CDK19: variants seen among roughly 807,000 people sequenced by gnomAD.
CDK19 encodes cyclin dependent kinase 19.
In CDK19, 20 loss-of-function variants were observed where a neutral mutation model predicts 68.3. That is an observed-to-expected ratio of 0.29 (90% confidence interval 0.21 to 0.43). The LOEUF is 0.43. Ranked by LOEUF, CDK19 falls within the 20% of genes least tolerant of loss-of-function variation. The probability of loss-of-function intolerance (pLI) is 1.00; values close to 1 mark genes in which losing one functional copy is unlikely to be tolerated. For missense variants in CDK19, 339 were observed against 623.5 expected (o/e 0.54, Z 4.86); for synonymous variants, 221 against 222.8 (o/e 0.99, Z 0.07).
At chr6:110,739,456 C>G in intron 2 of CDK19, among the ~76,000 whole-genome samples, 1 of 152,076 alleles carries the variant, frequency 6.6e-6, no homozygotes, top group East Asian at 1.9e-4. Context: ...TATAAGCCAC[C>G]AAGTCTATGG....
chr6:110,707,457 G>A (rs1356476981), intron 2 of CDK19, among the ~76,000 whole-genome samples: 1 of 152,068 alleles, frequency 6.6e-6, no homozygotes, highest in Non-Finnish European at 1.5e-5. Context: ...ATCCAAAGAT[G>A]TGTTTTACCA....
intron 2 of CDK19, among the ~76,000 whole-genome samples, chr6:110,679,082 G>A (rs989318057): frequency 6.6e-6 from 1 of 152,166 alleles, no homozygotes; most frequent in Non-Finnish European, 1.5e-5. Context: ...GCCAAGGCAG[G>A]AGGACCACTC....
intron 2 of CDK19, 38 bp downstream of exon 2, chr6:110,746,088 C>A: frequency 9.5e-7 from 1 of 1,052,440 alleles, no homozygotes; most frequent in South Asian, 1.7e-5. Flanking sequence ...CACCCAATAT[C>A]AATAATAAAA....
intron 2 of CDK19, among the ~76,000 whole-genome samples, chr6:110,689,004 C>T (rs1035099291): frequency 4.6e-5 from 7 of 152,244 alleles, no homozygotes; most frequent in African/African-American, 1.4e-4. Context: ...AAGGCTTATA[C>T]CCTGGGGCAG....
intron 2 of CDK19, among the ~76,000 whole-genome samples, chr6:110,710,586 C>T (rs1774865821): frequency 6.6e-6 from 1 of 152,202 alleles, no homozygotes; most frequent in Non-Finnish European, 1.5e-5. Flanking sequence ...AGTCCAAGAT[C>T]AAGGCACCAG....
chr6:110,814,896 C>G (rs542633723), intron 1 of CDK19, 113 bp downstream of exon 1: 3 of 1,431,392 alleles, frequency 2.1e-6, no homozygotes, highest in East Asian at 5.1e-5. Context: ...CCCGCGACCC[C>G]CTCCGCCTCG....
intron 12 of CDK19, among the ~76,000 whole-genome samples, chr6:110,616,630 C>G (rs1381203136): frequency 6.6e-6 from 1 of 151,244 alleles, no homozygotes; most frequent in Admixed American, 6.6e-5. Flanking sequence ...ATTGGCGCCA[C>G]TGCACTCTAG....
At chr6:110,781,774 G>T (rs1315536350) in intron 1 of CDK19, among the ~76,000 whole-genome samples, 3 of 151,712 alleles carry the variant, frequency 2.0e-5, no homozygotes, top group Non-Finnish European at 2.9e-5. Context: ...AGCTCAGGAG[G>T]TGGAAGCTGC....
intron 12 of CDK19, among the ~76,000 whole-genome samples, chr6:110,615,704 C>A (rs921890867): frequency 2.6e-5 from 4 of 152,188 alleles, no homozygotes; most frequent in African/African-American, 9.7e-5. Flanking sequence ...CAAAACTAAA[C>A]TGCCTTTATA....
chr6:110,737,222 A>G (rs997399540), intron 2 of CDK19, among the ~76,000 whole-genome samples: 26 of 152,192 alleles, frequency 1.7e-4, no homozygotes, highest in Admixed American at 2.6e-4. Context: ...TTCCCTTACC[A>G]TAACACACAC....
intron 12 of CDK19, among the ~76,000 whole-genome samples, chr6:110,615,002 G>A (rs1778223840): frequency 6.6e-6 from 1 of 152,082 alleles, no homozygotes; most frequent in Non-Finnish European, 1.5e-5. Flanking sequence ...ACTGAGACGT[G>A]CAAACAAGAA....
intron 2 of CDK19, among the ~76,000 whole-genome samples, chr6:110,705,698 C>T (rs1364375304): frequency 5.3e-5 from 8 of 152,252 alleles, no homozygotes; most frequent in African/African-American, 1.2e-4. Flanking sequence ...CTCCCAGAAG[C>T]GGAAACAGAT....
chr6:110,671,127 T>C (rs1057362491), intron 2 of CDK19, among the ~76,000 whole-genome samples: 11 of 152,008 alleles, frequency 7.2e-5, no homozygotes, highest in African/African-American at 2.7e-4. Context: ...TGCCCACTTA[T>C]AAAAACTGAA....
chr6:110,641,944 A>G (rs1332674112), intron 4 of CDK19, among the ~76,000 whole-genome samples: 1 of 152,234 alleles, frequency 6.6e-6, no homozygotes, highest in East Asian at 1.9e-4. Flanking sequence ...TGATGTGACA[A>G]GAGCAGTGAA....
In CDK19 at chr6:110,622,078, C is replaced by T; in HGVS notation, c.1110+10G>A. 1.9e-6 allele frequency: 3 copies of T among 1,567,500 alleles called. No homozygotes were observed. The highest frequency in any genetic ancestry group is 1.1e-5 in the South Asian group (1 of 87,142). On this transcript the variant is annotated intron_variant, in intron 11 of 12. Transcript: ENST00000368911. ...TCTTTGGAAGTGAAAGTATACCGTG[C>T]AGTTTATACCTTGTCACCTTTTTCT...
Position 110,614,490 on chromosome 6 carries a change from G to C in CDK19, c.*45C>G. On this transcript the variant is annotated 3_prime_UTR_variant, in exon 13 of 13. Coordinates refer to ENST00000368911, the MANE Select transcript of CDK19 (RefSeq NM_015076.5). ...TCTTTTCAATGCAGACATATTGCTG[G>C]AGCCTGTGCTCTGGGCTGGGCTGGC... is the stretch of plus-strand genomic sequence containing the variant. The C allele has an allele frequency of 6.3e-7, 1 of 1,591,226 alleles. No homozygotes were observed. The highest frequency in any genetic ancestry group is 1.1e-5 in the South Asian group (1 of 89,732).
At chr6:110,757,698 T>C (rs2114934522) in intron 1 of CDK19, among the ~76,000 whole-genome samples, 1 of 152,342 alleles carries the variant, frequency 6.6e-6, no homozygotes, top group South Asian at 2.1e-4. Context: ...TAATTTCAGG[T>C]TGTTCAAGTA....
chr6:110,633,223 C>G (rs1385187964), intron 5 of CDK19, among the ~76,000 whole-genome samples: 2 of 152,090 alleles, frequency 1.3e-5, no homozygotes, highest in African/African-American at 4.8e-5. Flanking sequence ...TGTCTCAAAA[C>G]AAACAAACAA....
chr6:110,681,260 C>T (rs1185664623), intron 2 of CDK19, among the ~76,000 whole-genome samples: 1 of 151,852 alleles, frequency 6.6e-6, no homozygotes, highest in African/African-American at 2.4e-5. Flanking sequence ...GCAGGACAAT[C>T]GCTTGAACCC....
Sources: allele counts gnomAD v4.1 joint callset (sites outside exome capture counted in the v4.1 genomes callset), GRCh38; gene constraint gnomAD v4.1.1; transcripts MANE v1.5; gene names NCBI Gene and HGNC (gene_info 2026-07-23, HGNC 2026-07-21).